The following SLC9B1 variants were observed in gnomAD, a reference collection of about 807,000 sequenced individuals.
SLC9B1 encodes the protein solute carrier family 9 member B1.
A neutral mutation model predicts 51.7 loss-of-function variants in SLC9B1; 32 were observed. The observed-to-expected ratio is 0.62, with a 90% CI of 0.47 to 0.83. The LOEUF (loss-of-function observed/expected upper bound fraction) is 0.83, where lower values mean the gene tolerates loss of function less well. Among genes scored for constraint, SLC9B1 ranks in the 40% least tolerant of loss-of-function variants. SLC9B1 has a pLI of 0.00. For missense variants in SLC9B1, 406 were observed against 613.2 expected, an observed-to-expected ratio of 0.66 and a Z score of 3.57; for synonymous variants, 145 against 212.7, an observed-to-expected ratio of 0.68 and a Z score of 2.77.
intron 1 of SLC9B1, among the ~76,000 whole-genome samples, chr4:103,005,288 G>T (rs903989721): frequency 1.4e-5 from 2 of 146,864 alleles, no homozygotes; most frequent in African/African-American, 5.0e-5. Flanking sequence ...CCAGAAAAAA[G>T]CAGGGGTTAC....
intron 1 of SLC9B1, among the ~76,000 whole-genome samples, chr4:103,000,118 C>A (rs1380360619): frequency 6.6e-6 from 1 of 152,162 alleles, no homozygotes; most frequent in Non-Finnish European, 1.5e-5. Context: ...ACCTTCCTCC[C>A]TTGACACATG....
Position 102,946,692 on chromosome 4 carries a change from G to A in SLC9B1, c.480C>T (p.Ala160=), listed in dbSNP as rs151269103. The change falls in exon 5 of 12, where the codon GCC becomes GCT. Residue 160 remains alanine (A), a synonymous_variant. Transcript: ENST00000296422. ...CAGCTCTTATTAGAATAATGGTAAGGGCAATGCTTCTTAAAATTGAAGACC... is the reference window on the plus strand; with the variant it reads ...CAGCTCTTATTAGAATAATGGTAAGAGCAATGCTTCTTAAAATTGAAGACC... ...NTWSSILRSI[A]LTIILIRAGL... 2,575 of 1,610,446 alleles carry A rather than the reference G, an allele frequency of 1.6e-3. 7 individuals carry two copies. Among genetic ancestry groups the A allele is most frequent in the Non-Finnish European group, 2.1e-3 (2,444 of 1,179,304 alleles).
Position 102,900,995 on chromosome 4 carries a change from A to G in SLC9B1, c.*122T>C. The G allele has an allele frequency of 1.3e-6, 2 of 1,511,634 alleles. No homozygotes were observed. The highest frequency in any genetic ancestry group is 2.5e-5 in the South Asian group (2 of 81,578). The allele number at this position is 1,511,634 out of a possible 1,614,324, so 93.6% of individuals were successfully genotyped here. ...AAGTCCAAGAAAAGCCCTGTACTGA[A>G]ATCACATGTTTACTAAATCCTGGAT... On this transcript the variant is annotated 3_prime_UTR_variant, in exon 12 of 12. Transcript: ENST00000296422.
At chr4:103,009,324 C>T (rs1015863794) in intron 1 of SLC9B1, among the ~76,000 whole-genome samples, 1 of 152,160 alleles carries the variant, frequency 6.6e-6, no homozygotes, top group Non-Finnish European at 1.5e-5. Context: ...CATCTAGTGA[C>T]TACATATCAC....
chr4:102,954,818 T>A (rs1737698449), intron 3 of SLC9B1, among the ~76,000 whole-genome samples: 1 of 152,198 alleles, frequency 6.6e-6, no homozygotes, highest in African/African-American at 2.4e-5. Context: ...ACTGGTTGTG[T>A]AACACATTAC....
chr4:102,995,174 T>G (rs1393552387), intron 1 of SLC9B1, among the ~76,000 whole-genome samples: 1 of 152,198 alleles, frequency 6.6e-6, no homozygotes, highest in East Asian at 1.9e-4. Context: ...TGCCTACTCT[T>G]CTGGCCTCTG....
At position 102,989,901 on chromosome 4, in the gene SLC9B1, T is replaced by C; in HGVS notation, c.110A>G (p.Lys37Arg). The C allele has an allele frequency of 6.3e-7, 1 of 1,597,906 alleles. No individual in the cohort carries two copies. Among genetic ancestry groups the C allele is most frequent in the Non-Finnish European group, 8.6e-7 (1 of 1,168,228 alleles). Residue 37 changes from lysine to arginine, a missense_variant, in exon 3 of 12, where the codon AAA becomes AGA. Around this residue, in one of 6 missense-constraint regions of SLC9B1, gnomAD observed 108 missense variants for 94.5 expected, o/e 1.14. Coordinates refer to ENST00000296422, the MANE Select transcript of SLC9B1 (RefSeq NM_139173.4). ...DPNNTAQEETKTVLSDTEEIK... is the reference protein window; with the variant it reads ...DPNNTAQEETRTVLSDTEEIK... The stretch of plus-strand genomic sequence containing the variant: ...TTCTTCTGTATCTGATAAGACAGTT[T>C]TAGTTTCTTCCTGTGCAGTATTATT...
rs1192396247 is a variant in SLC9B1, at chr4:103,012,659, T to C, written c.-2+6940A>G. Among the ~76,000 whole-genome samples the C allele has an allele frequency of 2.0e-5, 3 of 152,354 alleles. No individual in the cohort carries two copies. The South Asian group carries it at 6.2e-4, about 32-fold the overall frequency. On this transcript the variant is annotated intron_variant, in intron 1 of 11. Transcript: ENST00000296422. ...ATTCCTGCTGCTATGCCAAAATACT[T>C]GAGACTGAGTAATCTATAAATAACA... is the stretch of plus-strand genomic sequence containing the variant.
intron 3 of SLC9B1, among the ~76,000 whole-genome samples, chr4:102,978,823 C>T (rs901249887): frequency 6.6e-6 from 1 of 152,104 alleles, no homozygotes; most frequent in Non-Finnish European, 1.5e-5. Flanking sequence ...GGTATATAAC[C>T]AAAGGATTAA....
At chr4:102,935,184 T>C (rs1321375730) in intron 6 of SLC9B1, among the ~76,000 whole-genome samples, 2 of 152,154 alleles carry the variant, frequency 1.3e-5, no homozygotes, top group Non-Finnish European at 2.9e-5. Flanking sequence ...ACAAAGGATA[T>C]GAACAGGCTA....
chr4:102,934,013 TG>T (rs1202033792), intron 6 of SLC9B1, among the ~76,000 whole-genome samples: 1 of 152,164 alleles, frequency 6.6e-6, no homozygotes, highest in Non-Finnish European at 1.5e-5. Context: ...TCAAGTGATA[TG>T]CCCACCTTGG....
At chr4:103,009,046 C>T (rs1467059346) in intron 1 of SLC9B1, among the ~76,000 whole-genome samples, 5 of 152,164 alleles carry the variant, frequency 3.3e-5, no homozygotes, top group Non-Finnish European at 7.3e-5. Context: ...GATCCGCCCA[C>T]CTTGGCCTCC....
intron 3 of SLC9B1, among the ~76,000 whole-genome samples, chr4:102,981,517 G>C (rs1407688300): frequency 2.0e-5 from 3 of 152,124 alleles, no homozygotes; most frequent in African/African-American, 7.2e-5. Flanking sequence ...CCAAGATTTA[G>C]TGGTGTCAGT....
intron 1 of SLC9B1, among the ~76,000 whole-genome samples, chr4:102,995,673 G>GCA (rs1162150715): frequency 6.6e-6 from 1 of 152,154 alleles, no homozygotes; most frequent in East Asian, 1.9e-4. Flanking sequence ...AGTGGAATTG[G>GCA]TAGGTGGTAT....
chr4:102,927,263 A>G (rs193225547), intron 7 of SLC9B1, among the ~76,000 whole-genome samples: 106 of 152,350 alleles, frequency 7.0e-4, no homozygotes, highest in Non-Finnish European at 1.8e-4. Context: ...ATCTAACTAA[A>G]CTAAAGAGCT....
chr4:103,006,275 A>C (rs987737168), intron 1 of SLC9B1, among the ~76,000 whole-genome samples: 1 of 152,100 alleles, frequency 6.6e-6, no homozygotes, highest in South Asian at 2.1e-4. Context: ...ACAAAGAAAA[A>C]AAGAGAGAAC....
At chr4:102,992,973 G>A (rs1414490896) in intron 1 of SLC9B1, among the ~76,000 whole-genome samples, 1 of 152,170 alleles carries the variant, frequency 6.6e-6, no homozygotes, top group African/African-American at 2.4e-5. Context: ...TAGATCTTCT[G>A]AGACTAACTC....
intron 3 of SLC9B1, among the ~76,000 whole-genome samples, chr4:102,972,164 C>A (rs1738797942): frequency 6.6e-6 from 1 of 152,090 alleles, no homozygotes; most frequent in African/African-American, 2.4e-5. Flanking sequence ...ATCCTGATAC[C>A]AAAGCCTGGC....
At chr4:103,018,046 T>C (rs1487602511) in intron 1 of SLC9B1, among the ~76,000 whole-genome samples, 1 of 152,162 alleles carries the variant, frequency 6.6e-6, no homozygotes, top group African/African-American at 2.4e-5. Context: ...CCTCAAAAAA[T>C]ATTTATTGAA....
Sources: allele counts gnomAD v4.1 joint callset (sites outside exome capture counted in the v4.1 genomes callset), GRCh38; gene constraint gnomAD v4.1.1; regional missense constraint gnomAD v4.1.1; transcripts MANE v1.5; gene names NCBI Gene and HGNC (gene_info 2026-07-23, HGNC 2026-07-21).